Variants in SNCAIP observed in about 807,000 individuals in gnomAD.
SNCAIP encodes the protein synuclein alpha interacting protein, also known as synphilin-1.
A neutral mutation model predicts 86.7 loss-of-function variants in SNCAIP; 43 were observed. The ratio of observed to expected loss-of-function variants is 0.50; its 90% CI spans 0.39 to 0.64. The LOEUF (loss-of-function observed/expected upper bound fraction) is 0.64. SNCAIP is among the 30% of genes least tolerant of loss of function. The pLI is 0.00. For synonymous variants in SNCAIP, 417 were observed against 427.2 expected, an observed-to-expected ratio of 0.98 and a Z score of 0.29; for missense variants, 981 against 1,103.1, an observed-to-expected ratio of 0.89 and a Z score of 1.57.
At chr5:122,390,217 C>T (rs940577891) in intron 1 of SNCAIP, among the ~76,000 whole-genome samples, 6 of 152,146 alleles carry the variant, frequency 3.9e-5, no homozygotes, top group African/African-American at 1.2e-4. Context: ...GCTGATTTTG[C>T]TATCTGAGAG....
At chr5:122,333,284 G>T (rs948671594) in intron 1 of SNCAIP, among the ~76,000 whole-genome samples, 2 of 152,210 alleles carry the variant, frequency 1.3e-5, no homozygotes, top group African/African-American at 4.8e-5. Flanking sequence ...ATACCATAAT[G>T]CGTACCATTC....
At chr5:122,326,855 C>A (rs1015403390) in intron 1 of SNCAIP, among the ~76,000 whole-genome samples, 2 of 151,778 alleles carry the variant, frequency 1.3e-5, no homozygotes, top group Non-Finnish European at 2.9e-5. Context: ...TTAAGGCCAG[C>A]TCCAGGTGGA....
intron 1 of SNCAIP, among the ~76,000 whole-genome samples, chr5:122,342,524 A>G (rs1036523112): frequency 1.1e-4 from 16 of 152,226 alleles, no homozygotes; most frequent in Non-Finnish European, 1.5e-5. Flanking sequence ...GTTGACTCCT[A>G]TGATGAAGTG....
intron 3 of SNCAIP, among the ~76,000 whole-genome samples, chr5:122,409,131 T>C (rs1773607529): frequency 6.6e-6 from 1 of 152,170 alleles, no homozygotes; most frequent in Non-Finnish European, 1.5e-5. Context: ...TGTGGAACTT[T>C]TGCACGCATT....
At chr5:122,353,105 G>T (rs528082740) in intron 1 of SNCAIP, among the ~76,000 whole-genome samples, 16 of 152,232 alleles carry the variant, frequency 1.1e-4, no homozygotes, top group Non-Finnish European at 2.1e-4. Context: ...TATTGGTTGA[G>T]TTAGTACTTG....
At chr5:122,363,247 C>T (rs1292542738) in intron 1 of SNCAIP, among the ~76,000 whole-genome samples, 1 of 152,082 alleles carries the variant, frequency 6.6e-6, no homozygotes, top group African/African-American at 2.4e-5. Flanking sequence ...CTGCCTGCCT[C>T]GGTCTCCCAA....
intron 10 of SNCAIP, among the ~76,000 whole-genome samples, chr5:122,458,739 T>C (rs1404032822): frequency 6.6e-6 from 1 of 152,342 alleles, no homozygotes; most frequent in South Asian, 2.1e-4. Context: ...CATTTTGCTC[T>C]GCCAGGATAA....
At chr5:122,361,708 T>C in intron 1 of SNCAIP, among the ~76,000 whole-genome samples, 1 of 152,158 alleles carries the variant, frequency 6.6e-6, no homozygotes, top group East Asian at 1.9e-4. Context: ...GCCTTAAAGG[T>C]CCCAGCATGA....
intron 10 of SNCAIP, among the ~76,000 whole-genome samples, chr5:122,453,737 A>C (rs1581411589): frequency 6.7e-6 from 1 of 149,622 alleles, no homozygotes; most frequent in South Asian, 2.1e-4. Flanking sequence ...ACATCCCTAA[A>C]CCCATTTTAA....
chr5:122,359,165 C>T (rs1761700418), intron 1 of SNCAIP, among the ~76,000 whole-genome samples: 1 of 151,846 alleles, frequency 6.6e-6, no homozygotes, highest in Admixed American at 6.6e-5. Context: ...AATAATATGT[C>T]ATTTTTATTT....
chr5:122,437,169 T>G (rs1779685978), intron 6 of SNCAIP: 1 of 152,216 alleles, frequency 6.6e-6, no homozygotes, highest in Admixed American at 6.5e-5. Context: ...ACTGAGGGGC[T>G]AAGAGGGGAG....
intron 10 of SNCAIP, among the ~76,000 whole-genome samples, chr5:122,461,611 ATAATAT>A (rs1343495399): frequency 6.6e-6 from 1 of 151,106 alleles, no homozygotes; most frequent in East Asian, 1.9e-4. Flanking sequence ...TTCTGTTATA[ATAATAT>A]TAATTTCCAA....
intron 1 of SNCAIP, among the ~76,000 whole-genome samples, chr5:122,377,330 G>A (rs1333530998): frequency 2.0e-5 from 3 of 152,016 alleles, no homozygotes; most frequent in African/African-American, 4.8e-5. Flanking sequence ...CTTTGTGTAT[G>A]TGTATACATT....
intron 1 of SNCAIP, among the ~76,000 whole-genome samples, chr5:122,382,799 G>T (rs1364571817): frequency 6.6e-6 from 1 of 152,222 alleles, no homozygotes; most frequent in African/African-American, 2.4e-5. Context: ...GGAATACCCT[G>T]CCGTGTGAGG....
chr5:122,356,569 A>G (rs981073622), intron 1 of SNCAIP, among the ~76,000 whole-genome samples: 1 of 152,186 alleles, frequency 6.6e-6, no homozygotes, highest in Non-Finnish European at 1.5e-5. Flanking sequence ...TAACATATTT[A>G]TAAGAGCTTT....
intron 1 of SNCAIP, among the ~76,000 whole-genome samples, chr5:122,373,717 G>A (rs1764716363): frequency 6.6e-6 from 1 of 152,100 alleles, no homozygotes; most frequent in Admixed American, 6.6e-5. Context: ...TTACTCTTCT[G>A]GTATCATATT....
chr5:122,450,576 C>G lies in SNCAIP; in HGVS notation c.1729C>G (p.Pro577Ala). Residue 577 changes from proline (P) to alanine (A), a missense_variant, in exon 10 of 11, where the codon CCA becomes GCA. Pro to Ala is a conservative substitution (Grantham distance 27, BLOSUM62 -1). Transcript: ENST00000261368. ...PASRKSQWKSPDADDDSVAKS... is the reference protein window; with the variant it reads ...PASRKSQWKSADADDDSVAKS... ...CTCCAGAAAGTCCCAGTGGAAATCT[C>G]CAGATGCAGATGATGATTCTGTAGC... 3.1e-6 allele frequency: 5 copies of G among 1,614,006 alleles called. No individual in the cohort carries two copies. In the South Asian group the frequency reaches 5.5e-5, roughly 18 times the overall value.
At chr5:122,326,331 A>C (rs945530446) in intron 1 of SNCAIP, among the ~76,000 whole-genome samples, 1 of 152,172 alleles carries the variant, frequency 6.6e-6, no homozygotes. Context: ...AGCCACATAA[A>C]GTAGGTCACT....
At chr5:122,414,755 C>A (rs1319169129) in intron 3 of SNCAIP, among the ~76,000 whole-genome samples, 2 of 152,116 alleles carry the variant, frequency 1.3e-5, no homozygotes, top group South Asian at 4.2e-4. Context: ...TCCAGTGTTA[C>A]GGGAAGAAAG....
Sources: gnomAD v4.1 joint callset for allele counts (sites outside exome capture counted in the v4.1 genomes callset) on GRCh38, gnomAD v4.1.1 for gene constraint, MANE v1.5 for transcripts, NCBI Gene and HGNC (gene_info 2026-07-23, HGNC 2026-07-21) for gene names.